CTNNA1: variants seen among roughly 807,000 people sequenced by gnomAD.
The protein encoded by CTNNA1 is catenin alpha 1, also known as catenin alpha-1.
CTNNA1 carries 37 observed loss-of-function variants against 98.4 expected under a neutral mutation model. The ratio of observed to expected loss-of-function variants is 0.38; its 90% confidence interval spans 0.29 to 0.49. The LOEUF (loss-of-function observed/expected upper bound fraction) is 0.49, where lower values mean the gene tolerates loss of function less well. CTNNA1 is among the 20% of genes least tolerant of loss of function. CTNNA1 has a pLI of 0.95. For synonymous variants in CTNNA1, 404 were observed against 413.2 expected (o/e 0.98, Z 0.27); for missense variants, 761 against 1,147.2 (o/e 0.66, Z 4.86).
intron 1 of CTNNA1, among the ~76,000 whole-genome samples, chr5:138,773,561 G>GC (rs1314460100): frequency 6.6e-6 from 1 of 152,166 alleles, no homozygotes; most frequent in African/African-American, 2.4e-5. Context: ...CAGTCTGCTT[G>GC]CATTATGGTT....
At chr5:138,879,715 C>T (rs1056910308) in intron 7 of CTNNA1, among the ~76,000 whole-genome samples, 21 of 152,168 alleles carry the variant, frequency 1.4e-4, no homozygotes, top group African/African-American at 5.1e-4. Context: ...ACCTTGGCCT[C>T]CCAAAGTTTC....
chr5:138,797,997 G>A (rs1757155552), intron 3 of CTNNA1, among the ~76,000 whole-genome samples: 1 of 152,094 alleles, frequency 6.6e-6, no homozygotes, highest in Admixed American at 6.5e-5. Flanking sequence ...TATAGACAGT[G>A]GAGTGAAGGA....
At chr5:138,919,128 C>T (rs1291877172) in intron 11 of CTNNA1, among the ~76,000 whole-genome samples, 2 of 152,192 alleles carry the variant, frequency 1.3e-5, no homozygotes, top group African/African-American at 2.4e-5. Flanking sequence ...ACAAAAATCT[C>T]ATTTGCAAGC....
chr5:138,802,258 T>C (rs2149708165), intron 3 of CTNNA1, among the ~76,000 whole-genome samples: 1 of 152,328 alleles, frequency 6.6e-6, no homozygotes, highest in South Asian at 2.1e-4. Context: ...TAAGCAAATA[T>C]TAGTTGACTA....
rs560284257 is a variant in CTNNA1, at chr5:138,892,602, A to G, written c.1296+4960A>G. Among the ~76,000 whole-genome samples, 14 of 151,608 alleles carry G rather than the reference A, an allele frequency of 9.2e-5. No individual in the cohort carries two copies. The South Asian group carries it at 1.7e-3, about 18-fold the overall frequency. ...AGTGATTCGCCCGCCTCGGCCTCCC[A>G]GAGTGCTGGGATTACAGGTGTGAGC... On this transcript the variant is annotated intron_variant, in intron 9 of 17. Coordinates refer to ENST00000302763, the MANE Select transcript of CTNNA1 (RefSeq NM_001903.5).
chr5:138,887,404 A>G (rs1269971221), intron 8 of CTNNA1, 86 bp from the exon 9 acceptor site: 1 of 975,694 alleles, frequency 1.0e-6, no homozygotes, highest in Non-Finnish European at 1.5e-6. Context: ...GCTTCATTAG[A>G]TTTAAGTGTA....
At chr5:138,922,555 A>G (rs527420739) in intron 11 of CTNNA1, among the ~76,000 whole-genome samples, 15 of 152,326 alleles carry the variant, frequency 9.8e-5, no homozygotes, top group African/African-American at 3.6e-4. Context: ...CCTATAAATA[A>G]TGTATTGAAC....
At chr5:138,853,107 A>G (rs115633757) in intron 7 of CTNNA1, among the ~76,000 whole-genome samples, 1 of 149,096 alleles carries the variant, frequency 6.7e-6, no homozygotes, top group African/African-American at 2.5e-5. Flanking sequence ...ATTTGTTTTA[A>G]TTTTGCTGAT....
chr5:138,765,947 CA>C (rs1026779147), intron 1 of CTNNA1, among the ~76,000 whole-genome samples: 5,162 of 48,596 alleles, frequency 0.11, 55 homozygotes, highest in African/African-American at 0.19. Context: ...GACTCTGTCT[CA>C]AAAAAAAAAA....
chr5:138,791,915 A>G (rs1253473618), intron 3 of CTNNA1, among the ~76,000 whole-genome samples: 1 of 150,972 alleles, frequency 6.6e-6, no homozygotes, highest in Non-Finnish European at 1.5e-5. Context: ...GGTTTGTTAC[A>G]TATGTATACG....
rs1763765196 is a variant in CTNNA1 at position 138,925,262 on chromosome 5, C to T, written c.1754C>T (p.Pro585Leu). 1 of 1,613,724 alleles carries T rather than the reference C, an allele frequency of 6.2e-7. No homozygotes were observed. The highest frequency in any genetic ancestry group is 1.3e-5 in the African/African-American group (1 of 74,892). Residue 585 changes from proline to leucine, a missense_variant, in exon 13 of 18, where the codon CCA (proline) becomes CTA (leucine). Physicochemically the swap from Pro to Leu is moderately conservative, Grantham distance 98 (BLOSUM62 -3). This residue lies in a region of CTNNA1 where 287 missense variants were observed against 436.0 expected (regional missense o/e 0.66). Transcript: ENST00000302763. ...ATKLLSNTVMPRFTEQVEAAV... is the reference protein window; with the variant it reads ...ATKLLSNTVMLRFTEQVEAAV... Reference sequence around the variant, plus strand: ...TGTGCCTCTTTCTCCACAGTCATGCCACGTTTTACTGAGCAAGTAGAAGCA... The same window carrying T: ...TGTGCCTCTTTCTCCACAGTCATGCTACGTTTTACTGAGCAAGTAGAAGCA...
chr5:138,785,327 C>T (rs1033319776), intron 3 of CTNNA1, among the ~76,000 whole-genome samples: 4 of 152,040 alleles, frequency 2.6e-5, no homozygotes, highest in African/African-American at 9.7e-5. Flanking sequence ...TCCCAAAGTG[C>T]TGGGATTACA....
chr5:138,880,968 G>A lies in CTNNA1; in HGVS notation c.1063-5244G>A, dbSNP rs532827972. 17 of 444,324 alleles carry A rather than the reference G, an allele frequency of 3.8e-5. 1 individual carries two copies. The highest frequency in any genetic ancestry group is 2.4e-4 in the South Asian group (15 of 61,548). The allele number at this position is 444,324 out of a possible 1,614,324, so 27.5% of individuals were successfully genotyped here. ...AAAAACACATTGAATATGTGATGTT[G>A]TTAATGCAAAGAAAATTCATAAAAA... On this transcript the variant is annotated intron_variant, in intron 7 of 17. Coordinates refer to ENST00000302763, the MANE Select transcript of CTNNA1 (RefSeq NM_001903.5).
At chr5:138,919,436 G>C (rs1414801090) in intron 11 of CTNNA1, among the ~76,000 whole-genome samples, 3 of 152,200 alleles carry the variant, frequency 2.0e-5, no homozygotes, top group African/African-American at 7.2e-5. Flanking sequence ...AACAGCATCA[G>C]ATGTCCCTCA....
intron 7 of CTNNA1, chr5:138,828,279 C>T (rs1760925308): frequency 6.5e-6 from 1 of 152,838 alleles, no homozygotes; most frequent in Non-Finnish European, 1.5e-5. Flanking sequence ...AGATAATTGC[C>T]AAGTAGAGTT....
intron 5 of CTNNA1, among the ~76,000 whole-genome samples, chr5:138,824,308 G>A (rs1760412502): frequency 6.6e-6 from 1 of 152,138 alleles, no homozygotes. Flanking sequence ...AGAAGTGGGT[G>A]TGGGGTGGAT....
Position 138,827,524 on chromosome 5 carries a change from A to G in CTNNA1, c.868A>G (p.Ile290Val). Reference protein sequence around the residue: ...YALNNFDKQIIVDPLSFSEER... With the variant: ...YALNNFDKQIVVDPLSFSEER... ...AATACTTTCTCTGCAGAAACAAATC[A>G]TTGTGGACCCCTTGAGCTTCAGCGA... Residue 290 changes from isoleucine to valine, a missense_variant, in exon 7 of 18, where the codon ATT becomes GTT. Coordinates refer to ENST00000302763, the MANE Select transcript of CTNNA1 (RefSeq NM_001903.5). The G allele has an allele frequency of 1.9e-6, 3 of 1,614,242 alleles. No homozygotes were observed. Among genetic ancestry groups the G allele is most frequent in the Non-Finnish European group, 2.5e-6 (3 of 1,180,046 alleles).
In CTNNA1 at chr5:138,827,945, C is replaced by T. The variant is rs913108438; in HGVS notation, c.1062+227C>T. 4 of 539,392 alleles carry T rather than the reference C, an allele frequency of 7.4e-6. No individual in the cohort carries two copies. The African/African-American group carries it at 7.6e-5, about 10-fold the overall frequency. 33.4% of individuals were successfully genotyped at this position (539,392 alleles called of 1,614,324 possible). Reference sequence around the variant, plus strand: ...CTTATAAAAATCATACAGTGAATACCTAGGAAATTTATCTGTATTCATCAA... The same window carrying T: ...CTTATAAAAATCATACAGTGAATACTTAGGAAATTTATCTGTATTCATCAA... On this transcript the variant is annotated intron_variant, in intron 7 of 17. Transcript: ENST00000302763.
At chr5:138,900,165 G>T (rs1757726694) in intron 9 of CTNNA1, among the ~76,000 whole-genome samples, 1 of 152,152 alleles carries the variant, frequency 6.6e-6, no homozygotes, top group Non-Finnish European at 1.5e-5. Flanking sequence ...TTGAGTTTTT[G>T]ATTTTATTGT....
Sources: gnomAD v4.1 joint callset for allele counts (sites outside exome capture counted in the v4.1 genomes callset) on GRCh38, gnomAD v4.1.1 for gene constraint, gnomAD v4.1.1 regional missense constraint, MANE v1.5 for transcripts, NCBI Gene and HGNC (gene_info 2026-07-23, HGNC 2026-07-21) for gene names.